Variants in CDH18 observed in about 807,000 individuals in gnomAD.
CDH18 encodes the protein cadherin 18, also known as cadherin-18.
Under a neutral mutation model 67.9 loss-of-function variants are expected in CDH18, and 31 were observed. The ratio of observed to expected loss-of-function variants is 0.46; its 90% CI spans 0.34 to 0.62. The LOEUF is 0.62. CDH18 is among the 20% of genes least tolerant of loss of function. The pLI, the probability that CDH18 is intolerant of heterozygous loss-of-function variation, is 0.01. For missense variants in CDH18, 890 were observed against 975.5 expected (o/e 0.91, Z 1.17); for synonymous variants, 362 against 347.2 (o/e 1.04, Z -0.48).
chr5:20,328,891 G>C (rs1293069096), intron 1 of CDH18, among the ~76,000 whole-genome samples: 1 of 151,958 alleles, frequency 6.6e-6, no homozygotes, highest in Non-Finnish European at 1.5e-5. Context: ...TGAGGGGGTA[G>C]GATCACCTGA....
intron 2 of CDH18, among the ~76,000 whole-genome samples, chr5:20,103,212 T>C (rs1746625464): frequency 6.6e-6 from 1 of 152,194 alleles, no homozygotes; most frequent in Admixed American, 6.5e-5. Context: ...AATATGTCTA[T>C]CTTTTGATTC....
At chr5:20,235,570 A>C (rs1742414139) in intron 2 of CDH18, among the ~76,000 whole-genome samples, 1 of 152,204 alleles carries the variant, frequency 6.6e-6, no homozygotes, top group South Asian at 2.1e-4. Flanking sequence ...CAAAACCACA[A>C]TGATAGATCA....
chr5:20,564,451 G>A (rs933766643), intron 1 of CDH18, among the ~76,000 whole-genome samples: 4 of 151,688 alleles, frequency 2.6e-5, no homozygotes, highest in African/African-American at 9.7e-5. Flanking sequence ...CTAATTTTTT[G>A]TATTTTCAGT....
At position 19,696,942 on chromosome 5, in the gene CDH18, G is replaced by T. The variant is rs1378875388; in HGVS notation, c.643+24405C>A. Among the ~76,000 whole-genome samples the T allele has an allele frequency of 2.0e-5, 3 of 152,232 alleles. No individual in the cohort carries two copies. In the South Asian group the frequency reaches 6.2e-4, roughly 32 times the overall value. On this transcript the variant is annotated intron_variant, in intron 5 of 12. Transcript: ENST00000382275. ...CTAAGAAGGGGAGATATTGTTGTCTGCAATATAACCATTTGTTTTATTCCA... is the reference window on the plus strand; with the variant it reads ...CTAAGAAGGGGAGATATTGTTGTCTTCAATATAACCATTTGTTTTATTCCA...
intron 1 of CDH18, among the ~76,000 whole-genome samples, chr5:20,425,694 TTATTA>T (rs1219473449): frequency 6.6e-6 from 1 of 151,134 alleles, no homozygotes; most frequent in Non-Finnish European, 1.5e-5. Flanking sequence ...TTTGCTATTC[TTATTA>T]TAATTCCTCA....
intron 10 of CDH18, among the ~76,000 whole-genome samples, chr5:19,510,363 A>G (rs1051717623): frequency 6.6e-6 from 1 of 152,164 alleles, no homozygotes; most frequent in African/African-American, 2.4e-5. Flanking sequence ...TGTGGATGCC[A>G]CAAGCTACAC....
intron 1 of CDH18, among the ~76,000 whole-genome samples, chr5:20,524,297 A>G (rs911573523): frequency 6.6e-6 from 1 of 152,206 alleles, no homozygotes; most frequent in Admixed American, 6.6e-5. Context: ...TTAGATTCAG[A>G]TATATCTTTA....
chr5:20,277,733 T>G (rs1745914438), intron 1 of CDH18, among the ~76,000 whole-genome samples: 1 of 152,014 alleles, frequency 6.6e-6, no homozygotes, highest in Admixed American at 6.6e-5. Flanking sequence ...GAATTCAAAA[T>G]AGCCATTTTG....
intron 2 of CDH18, among the ~76,000 whole-genome samples, chr5:20,253,142 AC>A (rs1222117079): frequency 3.3e-5 from 5 of 152,068 alleles, no homozygotes; most frequent in Non-Finnish European, 7.4e-5. Flanking sequence ...AAACTACAAC[AC>A]CAAAAATTAT....
intron 2 of CDH18, among the ~76,000 whole-genome samples, chr5:20,012,450 C>T (rs1737533074): frequency 1.3e-5 from 2 of 149,032 alleles, no homozygotes; most frequent in South Asian, 4.3e-4. Context: ...TCCTTCAGTT[C>T]AGTAGCATTT....
At chr5:20,426,616 T>C (rs1166722594) in intron 1 of CDH18, among the ~76,000 whole-genome samples, 2 of 151,038 alleles carry the variant, frequency 1.3e-5, no homozygotes, top group African/African-American at 5.0e-5. Flanking sequence ...TTTTAGGTCA[T>C]CCTGAAGGGT....
At chr5:19,545,521 G>A (rs1736164940) in intron 8 of CDH18, among the ~76,000 whole-genome samples, 1 of 152,140 alleles carries the variant, frequency 6.6e-6, no homozygotes, top group Non-Finnish European at 1.5e-5. Context: ...AAAATTATTT[G>A]TCAACTTGGA....
intron 8 of CDH18, among the ~76,000 whole-genome samples, chr5:19,557,274 T>C (rs916364440): frequency 1.3e-5 from 2 of 152,052 alleles, no homozygotes; most frequent in South Asian, 2.1e-4. Context: ...ATGAATATAA[T>C]AGTACCTTAC....
At chr5:20,216,133 TAAAA>T (rs543565089) in intron 2 of CDH18, among the ~76,000 whole-genome samples, 2 of 151,654 alleles carry the variant, frequency 1.3e-5, no homozygotes, top group Non-Finnish European at 2.9e-5. Flanking sequence ...AAATAAAAGT[TAAAA>T]AATCCAATTG....
At chr5:20,359,567 G>A (rs1442228594) in intron 1 of CDH18, among the ~76,000 whole-genome samples, 1 of 152,142 alleles carries the variant, frequency 6.6e-6, no homozygotes. Flanking sequence ...CCCCTGTCAT[G>A]TGTTAAATTA....
chr5:19,632,326 C>T (rs866207270), intron 5 of CDH18, among the ~76,000 whole-genome samples: 1 of 152,106 alleles, frequency 6.6e-6, no homozygotes, highest in Non-Finnish European at 1.5e-5. Flanking sequence ...TTCACCCTAG[C>T]GTTAGCAATA....
chr5:20,423,545 G>A lies in CDH18; in HGVS notation c.-580+151917C>T, dbSNP rs890286011. Among the ~76,000 whole-genome samples, 10 of 151,030 alleles carry A rather than the reference G, an allele frequency of 6.6e-5. 2 individuals carry two copies. Among genetic ancestry groups the A allele is most frequent in the African/African-American group, 2.5e-4 (10 of 40,396 alleles). ...AGAAGAATTAGCAACAATACTGCAA[G>A]TAGAAAAAAGATGCAAAGGAAATAT... On this transcript the variant is annotated intron_variant, in intron 1 of 14. Coordinates refer to the CDH18 transcript ENST00000507958.
At chr5:20,302,689 GTCCGCAATTAT>G (rs1230664459) in intron 1 of CDH18, among the ~76,000 whole-genome samples, 1 of 152,094 alleles carries the variant, frequency 6.6e-6, no homozygotes, top group Non-Finnish European at 1.5e-5. Flanking sequence ...CCACTGTACC[GTCCGCAATTAT>G]TCAGACTACT....
At chr5:20,035,568 A>G (rs972364516) in intron 2 of CDH18, among the ~76,000 whole-genome samples, 10 of 151,942 alleles carry the variant, frequency 6.6e-5, no homozygotes, top group Non-Finnish European at 1.3e-4. Flanking sequence ...GGAAAGTGCC[A>G]TTTATAAAAC....
Sources: gnomAD v4.1 joint callset for allele counts (sites outside exome capture counted in the v4.1 genomes callset) on GRCh38, gnomAD v4.1.1 for gene constraint, MANE v1.5 for transcripts, NCBI Gene and HGNC (gene_info 2026-07-23, HGNC 2026-07-21) for gene names.